SPATA33: variants seen among roughly 807,000 people sequenced by gnomAD.
SPATA33 encodes the protein spermatogenesis-associated protein 33.
In SPATA33, 10 loss-of-function variants were observed where a neutral mutation model predicts 8.9. The ratio of observed to expected loss-of-function variants is 1.12; its 90% CI spans 0.69 to 1.90. The LOEUF (loss-of-function observed/expected upper bound fraction) is 1.90. SPATA33 is among the 40% of genes most tolerant of loss of function. The pLI is 0.00. For missense variants in SPATA33, 241 were observed against 178.3 expected, an observed-to-expected ratio of 1.35 and a Z score of -2.00; for synonymous variants, 96 against 72.8, an observed-to-expected ratio of 1.32 and a Z score of -1.63.
Position 89,662,824 on chromosome 16 carries a change from T to TG in SPATA33, c.211+4404dup, listed in dbSNP as rs543532779. On this transcript the variant is annotated intron_variant, in intron 2 of 2. Transcript: ENST00000579310. ...GTTTGTTTGTTTTGAGATGGAGTCT[T>TG]GCTCTGTTGCCCAGGCTGGAGTGCA... Among the ~76,000 whole-genome samples, 692 of 149,482 alleles carry TG rather than the reference T, an allele frequency of 4.6e-3. 2 individuals are homozygous for TG. Among genetic ancestry groups the TG allele is most frequent in the Non-Finnish European group, 7.1e-3 (479 of 67,140 alleles).
At chr16:89,661,799 A>G (rs1374716224) in intron 2 of SPATA33, among the ~76,000 whole-genome samples, 2 of 152,112 alleles carry the variant, frequency 1.3e-5, no homozygotes, top group South Asian at 2.1e-4. Context: ...CAGATGGGGT[A>G]TCTGAGGATG....
chr16:89,659,569 G>A (rs1438274820), intron 2 of SPATA33: 3 of 152,276 alleles, frequency 2.0e-5, no homozygotes, highest in Non-Finnish European at 4.4e-5. Flanking sequence ...AGCTACTCAG[G>A]AGGCTGAGGC....
At chr16:89,661,273 G>A (rs2059962918) in intron 2 of SPATA33, 1 of 936,452 alleles carries the variant, frequency 1.1e-6, no homozygotes, top group South Asian at 4.9e-5. Flanking sequence ...GAGGAACTGG[G>A]TGGGAGGTGA....
intron 2 of SPATA33, among the ~76,000 whole-genome samples, chr16:89,665,686 A>G (rs756553018): frequency 6.6e-5 from 10 of 152,356 alleles, no homozygotes; most frequent in African/African-American, 1.9e-4. Context: ...GAAAATTTCA[A>G]TAGTGTAAAT....
chr16:89,658,408 A>G lies in SPATA33; in HGVS notation c.198A>G (p.Ala66=). ...GAGTAKHPPP[A]ASLEEKPDVK... is the part of the protein sequence containing the mutation. ...GGACAGCCAAGCACCCGCCGCCGGCAGCTTCGCTGGAAGGTAGGAGACGGC... is the reference window on the plus strand; with the variant it reads ...GGACAGCCAAGCACCCGCCGCCGGCGGCTTCGCTGGAAGGTAGGAGACGGC... Residue 66 remains alanine, a synonymous_variant, in exon 2 of 3, where the codon GCA becomes GCG. Coordinates refer to ENST00000579310, the MANE Select transcript of SPATA33 (RefSeq NM_001271907.2). 6.2e-7 allele frequency: 1 copy of G among 1,609,432 alleles called. No homozygotes were observed.
chr16:89,667,041 C>A (rs2060035612), intron 2 of SPATA33, among the ~76,000 whole-genome samples: 1 of 152,134 alleles, frequency 6.6e-6, no homozygotes, highest in Non-Finnish European at 1.5e-5. Context: ...GATGTCAGGC[C>A]CTCCACAAGA....
At chr16:89,660,324 C>T in intron 2 of SPATA33, 1 of 491,008 alleles carries the variant, frequency 2.0e-6, no homozygotes. Context: ...GGTGCAAATT[C>T]ACCAGGGGCT....
intron 2 of SPATA33, chr16:89,660,964 G>A: frequency 9.9e-7 from 1 of 1,006,520 alleles, no homozygotes; most frequent in Non-Finnish European, 1.2e-6. Context: ...TCAGTGTCCA[G>A]CCCCAAGAGC....
chr16:89,661,924 C>T (rs578005644), intron 2 of SPATA33, among the ~76,000 whole-genome samples: 93 of 152,192 alleles, frequency 6.1e-4, no homozygotes, highest in Middle Eastern at 3.4e-3. Flanking sequence ...ATTATAGTTA[C>T]GCTAAAACAC....
intron 2 of SPATA33, among the ~76,000 whole-genome samples, chr16:89,665,341 C>T (rs1051397071): frequency 3.4e-4 from 48 of 140,582 alleles, no homozygotes; most frequent in Non-Finnish European, 1.8e-4. Flanking sequence ...CTTGCTCTGT[C>T]GCCACCCAGG....
At chr16:89,657,783 T>C (rs1313038312), upstream of SPATA33, 10 of 1,455,654 alleles carry the variant, frequency 6.9e-6, no homozygotes, top group Middle Eastern at 2.3e-4. Flanking sequence ...GGGGCGCGGC[T>C]GCGCGGCGCG....
In SPATA33 at chr16:89,657,859, C is replaced by T. The variant is rs1329614160; in HGVS notation, c.-53C>T. The T allele has an allele frequency of 1.1e-4, 162 of 1,509,948 alleles. No homozygotes were observed. The highest frequency in any genetic ancestry group is 1.4e-4 in the Non-Finnish European group (158 of 1,136,196). 93.5% of individuals were successfully genotyped at this position (1,509,948 alleles called of 1,614,324 possible). ...TTGTGAGTCGCTCCCGGCTCCGCGGCCGCGGAGGTGTGGGGACCCGGGCTT... is the reference window on the plus strand; with the variant it reads ...TTGTGAGTCGCTCCCGGCTCCGCGGTCGCGGAGGTGTGGGGACCCGGGCTT... On this transcript the variant is annotated 5_prime_UTR_variant, in exon 1 of 3. Transcript: ENST00000579310.
intron 2 of SPATA33, among the ~76,000 whole-genome samples, chr16:89,667,455 A>G (rs907367067): frequency 6.6e-6 from 1 of 152,160 alleles, no homozygotes; most frequent in African/African-American, 2.4e-5. Context: ...CTTATTTTAT[A>G]TATTTTATTA....
intron 2 of SPATA33, among the ~76,000 whole-genome samples, chr16:89,665,631 G>A (rs950953728): frequency 6.6e-6 from 1 of 152,094 alleles, no homozygotes; most frequent in Non-Finnish European, 1.5e-5. Flanking sequence ...TCTAAATGAA[G>A]AAACTATACT....
Position 89,669,313 on chromosome 16 carries a change from G to C in SPATA33, c.239G>C (p.Ser80Thr), listed in dbSNP as rs747603582. The C allele has an allele frequency of 6.2e-7, 1 of 1,614,088 alleles. No homozygotes were observed. The highest frequency in any genetic ancestry group is 8.5e-7 in the Non-Finnish European group (1 of 1,180,052). The change falls in exon 3 of 3, where the codon AGC becomes ACC. Residue 80 changes from serine (S) to threonine (T), a missense_variant. Transcript: ENST00000579310. ...EEKPDVKQKS[S>T]RKKVVVPQII... ...AAACCTGATGTAAAGCAAAAGTCCA[G>C]CAGGAAGAAAGTGGTCGTTCCACAG...
chr16:89,669,534 A>T lies in SPATA33; in HGVS notation c.*37A>T. ...TGCATGGCACTCGCTACTCCCTGCG[A>T]TAGGCGTCTCGGGAACAGCCGCCTC... On this transcript the variant is annotated 3_prime_UTR_variant, in exon 3 of 3. Coordinates refer to ENST00000579310, the MANE Select transcript of SPATA33 (RefSeq NM_001271907.2). 1 of 1,598,104 alleles carries T rather than the reference A, an allele frequency of 6.3e-7. No individual in the cohort carries two copies. Among genetic ancestry groups the T allele is most frequent in the Non-Finnish European group, 8.5e-7 (1 of 1,169,898 alleles).
At chr16:89,667,385 AAATT>A (rs1379862281) in intron 2 of SPATA33, among the ~76,000 whole-genome samples, 8 of 152,200 alleles carry the variant, frequency 5.3e-5, no homozygotes, top group African/African-American at 1.4e-4. Flanking sequence ...TAATTGCTAC[AAATT>A]AATTAATGAT....
At chr16:89,666,492 G>A (rs1183026914) in intron 2 of SPATA33, among the ~76,000 whole-genome samples, 2 of 152,150 alleles carry the variant, frequency 1.3e-5, no homozygotes, top group Admixed American at 6.5e-5. Flanking sequence ...GCAAAACCGT[G>A]TCTCTACAAA....
intron 2 of SPATA33, among the ~76,000 whole-genome samples, chr16:89,664,993 G>A (rs2060006906): frequency 6.6e-6 from 1 of 152,176 alleles, no homozygotes; most frequent in African/African-American, 2.4e-5. Context: ...ACCTTGAGAA[G>A]AGTCACATTT....
Sources: allele counts gnomAD v4.1 joint callset (sites outside exome capture counted in the v4.1 genomes callset), GRCh38; gene constraint gnomAD v4.1.1; transcripts MANE v1.5; gene names NCBI Gene and HGNC (gene_info 2026-07-23, HGNC 2026-07-21).